The following TARM1 variants were observed in gnomAD, a reference collection of about 807,000 sequenced individuals.
The protein encoded by TARM1 is T cell-interacting, activating receptor on myeloid cells 1, also known as T-cell-interacting, activating receptor on myeloid cells protein 1.
In TARM1, 24 loss-of-function variants were observed where a neutral mutation model predicts 30.4. The ratio of observed to expected loss-of-function variants is 0.79; its 90% CI spans 0.57 to 1.11. TARM1 has a LOEUF of 1.11. TARM1 is among the 50% of genes least tolerant of loss of function. The pLI, the probability that TARM1 is intolerant of heterozygous loss-of-function variation, is 0.00. For synonymous variants in TARM1, 129 were observed against 138.9 expected (o/e 0.93, Z 0.50); for missense variants, 323 against 332.8 (o/e 0.97, Z 0.23).
At position 54,075,077 on chromosome 19, in the gene TARM1, G is replaced by A. The variant is rs1226939573; in HGVS notation, c.108C>T (p.Ser36=). ...CATTGCTGTTGGCAGGGACCACCGA[G>A]CTGGGCCAGGCACTGAGGGACGGCT... ...LPKPSLSAWP[S]SVVPANSNVT... Residue 36 remains serine, a synonymous_variant, in exon 3 of 5, where the codon AGC becomes AGT. Transcript: ENST00000432826. The A allele has an allele frequency of 3.2e-6, 5 of 1,551,498 alleles. No individual in the cohort carries two copies. The highest frequency in any genetic ancestry group is 1.7e-4 in the Middle Eastern group (1 of 5,992).
rs2071773434 is a variant in TARM1, at chr19:54,070,144, T to G, written c.675A>C (p.Thr225=). Residue 225 remains threonine, a synonymous_variant, in exon 5 of 5, where the codon ACA becomes ACC. Coordinates refer to ENST00000432826, the MANE Select transcript of TARM1 (RefSeq NM_001135686.3). ...AGTTACCCAGGGAGTAGTTGCTCGA[T>G]GTGGTACCTGGGGGAACTGAAAGAG... ...EILVTVPPGT[T]SSNYSLGNFV... is the part of the protein sequence containing the mutation. The G allele has an allele frequency of 6.4e-7, 1 of 1,551,514 alleles. No individual in the cohort carries two copies. Among genetic ancestry groups the G allele is most frequent in the Non-Finnish European group, 8.7e-7 (1 of 1,146,956 alleles).
intron 1 of TARM1, among the ~76,000 whole-genome samples, chr19:54,078,178 CTTTTTTTTTT>C (rs869101071): frequency 2.9e-5 from 2 of 67,810 alleles, no homozygotes; most frequent in South Asian, 6.4e-4. Context: ...TTCTTTCTTT[CTTTTTTTTTT>C]TTTTTTTTTT....
In TARM1 at chr19:54,069,908, C is replaced by T. The variant is rs1462677247; in HGVS notation, c.*95G>A. The T allele has an allele frequency of 1.9e-5, 18 of 943,266 alleles. No homozygotes were observed. Among genetic ancestry groups the T allele is most frequent in the Non-Finnish European group, 2.8e-5 (18 of 635,094 alleles). The allele number at this position is 943,266 out of a possible 1,614,324, so 58.4% of individuals were successfully genotyped here. On this transcript the variant is annotated 3_prime_UTR_variant, in exon 5 of 5. Transcript: ENST00000432826. ...GTCTTTGTGACCTGTATGTTGTGACCTGTCTCATCCTGTGACTTAGAAAGC... is the reference window on the plus strand; with the variant it reads ...GTCTTTGTGACCTGTATGTTGTGACTTGTCTCATCCTGTGACTTAGAAAGC...
At chr19:54,072,513 T>G (rs1254693306) in intron 4 of TARM1, among the ~76,000 whole-genome samples, 3 of 151,892 alleles carry the variant, frequency 2.0e-5, no homozygotes, top group Non-Finnish European at 2.9e-5. Flanking sequence ...ATGAGATAAT[T>G]TTTTTTTTAA....
In TARM1 at chr19:54,077,105, G is replaced by A. The variant is rs373001742; in HGVS notation, c.35-1187C>T. Among the ~76,000 whole-genome samples, 8 of 151,914 alleles carry A rather than the reference G, an allele frequency of 5.3e-5. No individual in the cohort carries two copies. In the East Asian group the frequency reaches 5.8e-4, roughly 11 times the overall value. ...CTGGTTAAGAACTCTTGACCATGCC[G>A]GGCGCGGTGGCTCCCGCCTGTAATC... On this transcript the variant is annotated intron_variant, in intron 1 of 4. Transcript: ENST00000432826.
intron 4 of TARM1, among the ~76,000 whole-genome samples, chr19:54,072,055 G>T (rs747895777): frequency 6.6e-6 from 1 of 151,988 alleles, no homozygotes; most frequent in Non-Finnish European, 1.5e-5. Context: ...GCCAGGCAGG[G>T]TGGCACACAT....
intron 1 of TARM1, among the ~76,000 whole-genome samples, chr19:54,078,994 C>T (rs186216679): frequency 3.3e-4 from 50 of 151,154 alleles, no homozygotes; most frequent in African/African-American, 1.1e-3. Flanking sequence ...CGGTGGCTCA[C>T]GCCTGTAATC....
intron 1 of TARM1, among the ~76,000 whole-genome samples, chr19:54,080,198 A>G (rs1314953883): frequency 7.0e-6 from 1 of 143,344 alleles, no homozygotes; most frequent in Non-Finnish European, 1.5e-5. Context: ...CAAGCAGGCA[A>G]GCAAGCGGGG....
chr19:54,081,273 C>A (rs2146233462), intron 1 of TARM1, 34 bp downstream of exon 1: 2 of 1,546,830 alleles, frequency 1.3e-6, no homozygotes, highest in East Asian at 4.9e-5. Context: ...CCATGATTTT[C>A]TGCAGTCCCA....
intron 3 of TARM1, 128 bp downstream of exon 3, chr19:54,074,696 C>T: frequency 9.8e-7 from 1 of 1,024,584 alleles, no homozygotes. Context: ...CAATTTCGTT[C>T]CTGTCTCTCT....
intron 1 of TARM1, chr19:54,076,351 A>T (rs587737037): frequency 2.0e-4 from 152 of 774,398 alleles, no homozygotes; most frequent in African/African-American, 1.7e-3. Context: ...TCTTTCTTTC[A>T]TTCATTCTTT....
In TARM1 at chr19:54,075,183, T is replaced by TTTATTA. The variant is rs34261191; in HGVS notation, c.71-75_71-70dup. 1,912 of 997,306 alleles carry TTTATTA rather than the reference T, an allele frequency of 1.9e-3. 10 individuals carry two copies. The highest frequency in any genetic ancestry group is 1.7e-3 in the Middle Eastern group (5 of 2,928). 61.8% of individuals were successfully genotyped at this position (997,306 alleles called of 1,614,324 possible). ...TGCTCTCAGGAAGCCCTTTTTAAAATTTATTATTATTATTATTATTTTGAG... is the reference window on the plus strand; with the variant it reads ...TGCTCTCAGGAAGCCCTTTTTAAAATTTATTATTATTATTATTATTATTATTTTGAG... On this transcript the variant is annotated intron_variant, in intron 2 of 4. Coordinates refer to ENST00000432826, the MANE Select transcript of TARM1 (RefSeq NM_001135686.3).
Position 54,075,258 on chromosome 19 carries a change from G to T in TARM1, c.71-144C>A, listed in dbSNP as rs147254095. Reference sequence around the variant, plus strand: ...GCTAGAGTGCAGTGGTGCAATCTCAGTTCACTGCAACCTCCGTCTCCTGGG... The same window carrying T: ...GCTAGAGTGCAGTGGTGCAATCTCATTTCACTGCAACCTCCGTCTCCTGGG... On this transcript the variant is annotated intron_variant, in intron 2 of 4. Transcript: ENST00000432826. 2.2e-3 allele frequency: 1,527 copies of T among 693,446 alleles called. 21 individuals are homozygous for T. The African/African-American group carries it at 0.025, about 11-fold the overall frequency. The allele number at this position is 693,446 out of a possible 1,614,324, so 43.0% of individuals were successfully genotyped here.
At chr19:54,078,316 G>T (rs2146222667) in intron 1 of TARM1, among the ~76,000 whole-genome samples, 1 of 151,216 alleles carries the variant, frequency 6.6e-6, no homozygotes, top group African/African-American at 2.4e-5. Context: ...CTCCCGAGTA[G>T]CTGGGACTAC....
rs1568511501 is a variant in TARM1 at position 54,080,096 on chromosome 19, G to GA, written c.34+1210dup. 5.5e-4 allele frequency among the ~76,000 whole-genome samples: 22 copies of GA among 40,154 alleles called. 1 individual carries two copies. The highest frequency in any genetic ancestry group is 2.2e-3 in the African/African-American group (21 of 9,734). The allele number at this position is 40,154 out of a possible 152,430, so 26.3% of individuals were successfully genotyped here. On this transcript the variant is annotated intron_variant, in intron 1 of 4. Transcript: ENST00000432826. ...GAATGAAGGAGAAAGAGAAAGAAAG[G>GA]AAGGAAGGAAGGAAGGAAGGAAGGA...
chr19:54,071,488 G>A (rs921137797), intron 4 of TARM1, among the ~76,000 whole-genome samples: 1 of 152,110 alleles, frequency 6.6e-6, no homozygotes, highest in Non-Finnish European at 1.5e-5. Context: ...CAGCATCCTC[G>A]CAGCACACAC....
chr19:54,072,137 C>T (rs2071827700), intron 4 of TARM1, among the ~76,000 whole-genome samples: 2 of 151,272 alleles, frequency 1.3e-5, no homozygotes, highest in Middle Eastern at 7.0e-3. Context: ...TTCATTGAGC[C>T]GAGATCGCGC....
Position 54,077,366 on chromosome 19 carries a change from G to A in TARM1, c.35-1448C>T, listed in dbSNP as rs587628131. Among the ~76,000 whole-genome samples, 4 of 151,330 alleles carry A rather than the reference G, an allele frequency of 2.6e-5. No homozygotes were observed. The South Asian group carries it at 6.3e-4, about 24-fold the overall frequency. On this transcript the variant is annotated intron_variant, in intron 1 of 4. Coordinates refer to ENST00000432826, the MANE Select transcript of TARM1 (RefSeq NM_001135686.3). ...CTGCACTCCAGCCTGGCCACAGCGC[G>A]AGACTCAGTTTCAGGAAAGAAAAAA...
At chr19:54,072,523 A>G (rs2071837143) in intron 4 of TARM1, among the ~76,000 whole-genome samples, 1 of 150,012 alleles carries the variant, frequency 6.7e-6, no homozygotes, top group African/African-American at 2.4e-5. Context: ...TTTTTTTTTA[A>G]ATTTGAAACT....
Sources: gnomAD v4.1 joint callset for allele counts (sites outside exome capture counted in the v4.1 genomes callset) on GRCh38, gnomAD v4.1.1 for gene constraint, MANE v1.5 for transcripts, NCBI Gene and HGNC (gene_info 2026-07-23, HGNC 2026-07-21) for gene names.